TRPC4AP: variants seen among roughly 807,000 people sequenced by gnomAD.
TRPC4AP encodes the protein short transient receptor potential channel 4-associated protein.
In TRPC4AP, 45 loss-of-function variants were observed where a neutral mutation model predicts 99.0. That is an observed-to-expected ratio of 0.45 (90% CI 0.36 to 0.58). The LOEUF (loss-of-function observed/expected upper bound fraction) is 0.58. Ranked by LOEUF, TRPC4AP falls within the 20% of genes least tolerant of loss-of-function variation. The pLI is 0.00. For synonymous variants in TRPC4AP, 408 were observed against 385.8 expected (o/e 1.06, Z -0.67); for missense variants, 879 against 985.3 (o/e 0.89, Z 1.44).
intron 1 of TRPC4AP, among the ~76,000 whole-genome samples, chr20:35,091,646 G>A (rs2085070413): frequency 6.6e-6 from 1 of 152,138 alleles, no homozygotes; most frequent in Non-Finnish European, 1.5e-5. Context: ...GAGGGTGGAA[G>A]AAGTAGTGGA....
chr20:35,090,763 A>G (rs766559612), intron 1 of TRPC4AP, among the ~76,000 whole-genome samples: 10 of 152,202 alleles, frequency 6.6e-5, no homozygotes, highest in Non-Finnish European at 1.3e-4. Flanking sequence ...TTATCATGCT[A>G]AAGAACTTCT....
Position 35,010,409 on chromosome 20 carries a change from C to G in TRPC4AP, c.1410-121G>C, listed in dbSNP as rs772266872. 39 of 761,600 alleles carry G rather than the reference C, an allele frequency of 5.1e-5. No individual in the cohort carries two copies. The South Asian group carries it at 6.4e-4, about 13-fold the overall frequency. 47.2% of individuals were successfully genotyped at this position (761,600 alleles called of 1,614,324 possible). A position where few individuals can be genotyped will look rare whatever the true frequency, so the allele number is the denominator to read the frequency against. ...GGACAGAATCTGAGAAGCCACCAGG[C>G]ACTTTCCTCTAGCACCTCTCACTCC... On this transcript the variant is annotated intron_variant, in intron 11 of 18. Transcript: ENST00000252015.
intron 8 of TRPC4AP, among the ~76,000 whole-genome samples, chr20:35,034,608 A>G (rs2083275930): frequency 6.6e-6 from 1 of 152,160 alleles, no homozygotes; most frequent in Non-Finnish European, 1.5e-5. Flanking sequence ...GGGTTTGTAT[A>G]TTCTGAACCT....
At chr20:35,050,383 TG>T (rs1460299111) in intron 5 of TRPC4AP, among the ~76,000 whole-genome samples, 1 of 66,380 alleles carries the variant, frequency 1.5e-5, no homozygotes, top group East Asian at 4.5e-4. Context: ...TTCTCACCTT[TG>T]GAACTCCATT....
At chr20:35,051,279 A>G (rs550007497) in intron 5 of TRPC4AP, among the ~76,000 whole-genome samples, 2 of 152,282 alleles carry the variant, frequency 1.3e-5, no homozygotes, top group South Asian at 4.1e-4. Context: ...GAAATGAGAT[A>G]TGTTGCAACA....
chr20:35,003,090 A>C lies in TRPC4AP; in HGVS notation c.*56T>G. 5.6e-6 allele frequency: 9 copies of C among 1,605,372 alleles called. No individual in the cohort carries two copies. Among genetic ancestry groups the C allele is most frequent in the Non-Finnish European group, 7.7e-6 (9 of 1,175,408 alleles). The stretch of plus-strand genomic sequence containing the variant: ...ACGGGAACAGGGCAGGGCGTGTGGC[A>C]TCGTACCCACGCTCACCCACACTGG... On this transcript the variant is annotated 3_prime_UTR_variant, in exon 19 of 19. Coordinates refer to ENST00000252015, the MANE Select transcript of TRPC4AP (RefSeq NM_015638.3).
Position 35,004,459 on chromosome 20 carries a change from T to TG in TRPC4AP, c.2047dup (p.Gln683ProfsTer99), listed in dbSNP as rs2082475348. The stretch of plus-strand genomic sequence containing the variant: ...TGTGTGTCTGCCGGGGCCTCTCACC[T>TG]GGGTCAGCGTCTGCACGTGGATGAT... On this transcript the variant is annotated frameshift_variant and splice_region_variant, in exon 17 of 19. Coordinates refer to ENST00000252015, the MANE Select transcript of TRPC4AP (RefSeq NM_015638.3). LOFTEE classifies it high-confidence loss of function. The TG allele has an allele frequency of 6.2e-7, 1 of 1,612,458 alleles. No homozygotes were observed.
intron 8 of TRPC4AP, among the ~76,000 whole-genome samples, chr20:35,023,306 TA>T (rs2082938599): frequency 1.3e-5 from 2 of 152,174 alleles, no homozygotes; most frequent in Non-Finnish European, 2.9e-5. Context: ...CAACCATACC[TA>T]CCCCTTAATG....
chr20:35,068,980 A>AC (rs879395518), intron 3 of TRPC4AP, among the ~76,000 whole-genome samples: 723 of 71,588 alleles, frequency 0.01, 5 homozygotes, highest in East Asian at 0.033. Flanking sequence ...CACACACACA[A>AC]AAAAAACAAA....
At position 35,055,133 on chromosome 20, in the gene TRPC4AP, A is replaced by T. The variant is rs1600604646; in HGVS notation, c.473-102T>A. On this transcript the variant is annotated intron_variant, in intron 4 of 18. Transcript: ENST00000252015. Reference sequence around the variant, plus strand: ...ATAAGAACTGTTATAATCCCCTCCAAGATGATTATTTTTCCTTTAATATAC... The same window carrying T: ...ATAAGAACTGTTATAATCCCCTCCATGATGATTATTTTTCCTTTAATATAC... 29 of 1,014,742 alleles carry T rather than the reference A, an allele frequency of 2.9e-5. No homozygotes were observed. The East Asian group carries it at 7.5e-4, about 26-fold the overall frequency. The allele number at this position is 1,014,742 out of a possible 1,614,324, so 62.9% of individuals were successfully genotyped here.
intron 2 of TRPC4AP, among the ~76,000 whole-genome samples, chr20:35,076,046 G>A (rs907487140): frequency 6.6e-5 from 10 of 151,914 alleles, no homozygotes; most frequent in South Asian, 2.1e-4. Flanking sequence ...CCACTTGATC[G>A]AATTGGCTAC....
chr20:35,045,261 T>C (rs1021145920), intron 6 of TRPC4AP, among the ~76,000 whole-genome samples: 2 of 152,204 alleles, frequency 1.3e-5, no homozygotes, highest in Non-Finnish European at 2.9e-5. Context: ...GCATGCACAG[T>C]GTGAATGATA....
At chr20:35,058,778 CT>C (rs2145965172) in intron 3 of TRPC4AP, among the ~76,000 whole-genome samples, 1 of 151,130 alleles carries the variant, frequency 6.6e-6, no homozygotes, top group African/African-American at 2.4e-5. Context: ...CAACCTCCGC[CT>C]CCTGGGTTCA....
intron 1 of TRPC4AP, among the ~76,000 whole-genome samples, chr20:35,083,181 CTTA>C (rs754439523): frequency 6.6e-6 from 1 of 152,184 alleles, no homozygotes; most frequent in East Asian, 1.9e-4. Flanking sequence ...AAAAATCTAT[CTTA>C]TTTTTATATT....
At chr20:35,047,439 G>C (rs1391404305) in intron 6 of TRPC4AP, among the ~76,000 whole-genome samples, 4 of 152,262 alleles carry the variant, frequency 2.6e-5, no homozygotes, top group African/African-American at 9.6e-5. Flanking sequence ...GTTGCCTATG[G>C]CAACAGTTCA....
In TRPC4AP at chr20:35,004,160, CCTCAGGTCCGATTCCAAAGCCCAGCAGGG is replaced by C. The variant is rs2082462207; in HGVS notation, c.2049+269_2049+297del. ...ACTATTCAGTGAGGGAGTTGGGCAG[CCTCAGGTCCGATTCCAAAGCCCAGCAGGG>C]CAGAAGGTGTGAGGGACGTGGACAT... On this transcript the variant is annotated intron_variant, in intron 17 of 18. Transcript: ENST00000252015. Among the ~76,000 whole-genome samples the C allele has an allele frequency of 3.3e-5, 5 of 152,186 alleles. 1 individual carries two copies. The South Asian group carries it at 1.0e-3, about 32-fold the overall frequency.
Position 35,069,393 on chromosome 20 carries a change from G to A in TRPC4AP, c.317C>T (p.Ser106Phe), listed in dbSNP as rs757712795. ...AGTAACAAATGCCATAGCCTCCATGGAGAGAAGAGGAGAAATTTCCTAGTT... is the reference window on the plus strand; with the variant it reads ...AGTAACAAATGCCATAGCCTCCATGAAGAGAAGAGGAGAAATTTCCTAGTT... ...NILKEISPLL[S>F]MEAMAFVTEE... Residue 106 changes from serine to phenylalanine, a missense_variant, in exon 3 of 19, where the codon TCC (serine) becomes TTC (phenylalanine). Transcript: ENST00000252015. 6.2e-7 allele frequency: 1 copy of A among 1,608,156 alleles called. No homozygotes were observed. Among genetic ancestry groups the A allele is most frequent in the South Asian group, 1.1e-5 (1 of 90,404 alleles).
chr20:35,047,188 AT>A (rs1425410257), intron 6 of TRPC4AP, among the ~76,000 whole-genome samples: 3 of 152,122 alleles, frequency 2.0e-5, no homozygotes, highest in African/African-American at 2.4e-5. Flanking sequence ...TTATGTTTTA[AT>A]TTTTGATATG....
At chr20:35,040,941 C>G (rs2083432825) in intron 7 of TRPC4AP, among the ~76,000 whole-genome samples, 5 of 151,416 alleles carry the variant, frequency 3.3e-5, no homozygotes, top group Admixed American at 1.3e-4. Context: ...GGCCCTAAAC[C>G]GAGAGGACTG....
Sources: allele counts gnomAD v4.1 joint callset (sites outside exome capture counted in the v4.1 genomes callset), GRCh38; gene constraint gnomAD v4.1.1; transcripts MANE v1.5; gene names NCBI Gene and HGNC (gene_info 2026-07-23, HGNC 2026-07-21).